Variants in ADGRB3 observed in about 807,000 individuals in gnomAD.
ADGRB3 encodes the protein brain-specific angiogenesis inhibitor 3.
A neutral mutation model predicts 193.4 loss-of-function variants in ADGRB3; 37 were observed. That is an observed-to-expected ratio of 0.19 (90% CI 0.15 to 0.25). The LOEUF is 0.25. ADGRB3 is among the 10% of genes least tolerant of loss of function. The pLI is 1.00. For synonymous variants in ADGRB3, 690 were observed against 644.2 expected, an observed-to-expected ratio of 1.07 and a Z score of -1.08; for missense variants, 1,637 against 1,852.9, an observed-to-expected ratio of 0.88 and a Z score of 2.14.
chr6:68,840,958 A>G (rs1191029084), intron 3 of ADGRB3, among the ~76,000 whole-genome samples: 2 of 152,182 alleles, frequency 1.3e-5, no homozygotes, highest in Admixed American at 6.5e-5. Flanking sequence ...CTATACTTAC[A>G]TCAGAAAAAG....
At chr6:69,062,752 GT>G (rs1771785542) in intron 15 of ADGRB3, among the ~76,000 whole-genome samples, 181 bp from the exon 16 acceptor site, 1 of 151,822 alleles carries the variant, frequency 6.6e-6, no homozygotes, top group African/African-American at 2.4e-5. Context: ...TTCTCCCTAA[GT>G]TTTCTGTTCC....
chr6:69,230,298 C>T (rs1490812050), intron 17 of ADGRB3, among the ~76,000 whole-genome samples: 1 of 151,996 alleles, frequency 6.6e-6, no homozygotes, highest in Non-Finnish European at 1.5e-5. Flanking sequence ...AACTAGACGC[C>T]ATAATTAAGA....
intron 3 of ADGRB3, among the ~76,000 whole-genome samples, chr6:68,919,541 A>AT: frequency 6.6e-6 from 1 of 152,198 alleles, no homozygotes; most frequent in Non-Finnish European, 1.5e-5. Flanking sequence ...GGGGAAGAGA[A>AT]TGTTGAGGCA....
chr6:69,008,491 CT>C (rs1769839285), intron 11 of ADGRB3, among the ~76,000 whole-genome samples: 1 of 152,022 alleles, frequency 6.6e-6, no homozygotes, highest in South Asian at 2.1e-4. Context: ...TTTCTTCATT[CT>C]TTTTTCTTGC....
chr6:69,003,527 G>T (rs558336535), intron 11 of ADGRB3, among the ~76,000 whole-genome samples: 1 of 152,066 alleles, frequency 6.6e-6, no homozygotes, highest in South Asian at 2.1e-4. Context: ...AATAAGCCAG[G>T]TACAGGACAG....
At chr6:68,873,710 A>G (rs1765519389) in intron 3 of ADGRB3, among the ~76,000 whole-genome samples, 2 of 152,150 alleles carry the variant, frequency 1.3e-5, no homozygotes, top group East Asian at 3.8e-4. Context: ...TATCATTACA[A>G]GATGATCTAA....
At chr6:68,640,674 A>G (rs910256389) in intron 3 of ADGRB3, among the ~76,000 whole-genome samples, 2 of 152,238 alleles carry the variant, frequency 1.3e-5, no homozygotes, top group African/African-American at 4.8e-5. Flanking sequence ...TGTGGCCAAT[A>G]TAAAATTGAC....
At chr6:69,029,541 G>C (rs958813154) in intron 13 of ADGRB3, among the ~76,000 whole-genome samples, 2 of 152,136 alleles carry the variant, frequency 1.3e-5, no homozygotes, top group Non-Finnish European at 2.9e-5. Flanking sequence ...GGTTGCAAAC[G>C]TATGATATAT....
At chr6:69,159,592 T>C (rs1774932319) in intron 17 of ADGRB3, among the ~76,000 whole-genome samples, 1 of 152,130 alleles carries the variant, frequency 6.6e-6, no homozygotes, top group African/African-American at 2.4e-5. Context: ...AAATATTTAA[T>C]AAATGTTTAA....
At chr6:69,151,236 G>A (rs1774671757) in intron 17 of ADGRB3, among the ~76,000 whole-genome samples, 1 of 152,146 alleles carries the variant, frequency 6.6e-6, no homozygotes, top group Non-Finnish European at 1.5e-5. Context: ...TAGAACTCTA[G>A]AGCCCTTTAT....
At chr6:68,947,030 G>T (rs1767791901) in intron 6 of ADGRB3, among the ~76,000 whole-genome samples, 1 of 152,046 alleles carries the variant, frequency 6.6e-6, no homozygotes, top group Non-Finnish European at 1.5e-5. Context: ...GAAGGAAAAT[G>T]AAGGTATAGT....
chr6:68,814,746 T>C (rs1237513938), intron 3 of ADGRB3, among the ~76,000 whole-genome samples: 2 of 146,700 alleles, frequency 1.4e-5, no homozygotes, highest in East Asian at 3.9e-4. Context: ...AATAAAATAC[T>C]GGCAAACCGA....
intron 3 of ADGRB3, among the ~76,000 whole-genome samples, chr6:68,832,074 C>G (rs906328768): frequency 1.3e-5 from 2 of 152,000 alleles, no homozygotes; most frequent in African/African-American, 2.4e-5. Flanking sequence ...ATTTTAATTA[C>G]TTGTACATAT....
At chr6:68,929,426 CT>C (rs1379078878) in intron 3 of ADGRB3, among the ~76,000 whole-genome samples, 1 of 152,058 alleles carries the variant, frequency 6.6e-6, no homozygotes, top group African/African-American at 2.4e-5. Context: ...GTGTGCTAGT[CT>C]TTTCTCCTTC....
At chr6:69,005,288 A>G (rs760248476) in intron 11 of ADGRB3, among the ~76,000 whole-genome samples, 1 of 151,480 alleles carries the variant, frequency 6.6e-6, no homozygotes, top group Non-Finnish European at 1.5e-5. Context: ...CATCCCATCT[A>G]GTATACCTCA....
At chr6:68,876,959 A>G (rs1765611491) in intron 3 of ADGRB3, among the ~76,000 whole-genome samples, 1 of 152,136 alleles carries the variant, frequency 6.6e-6, no homozygotes, top group Non-Finnish European at 1.5e-5. Context: ...TCAAGTGGCT[A>G]TATGTTAATT....
chr6:69,151,452 A>G (rs1291402802), intron 17 of ADGRB3, among the ~76,000 whole-genome samples: 1 of 152,138 alleles, frequency 6.6e-6, no homozygotes, highest in African/African-American at 2.4e-5. Context: ...TCTGAACCAC[A>G]TGGTTGCTGC....
intron 15 of ADGRB3, 44 bp downstream of exon 15, chr6:69,049,390 C>A: frequency 1.4e-6 from 2 of 1,387,980 alleles, no homozygotes; most frequent in South Asian, 1.3e-5. Context: ...GTAAATTATT[C>A]CAAAATGTGA....
chr6:68,983,103 A>C (rs1218389652), intron 10 of ADGRB3, among the ~76,000 whole-genome samples: 1 of 152,102 alleles, frequency 6.6e-6, no homozygotes, highest in African/African-American at 2.4e-5. Flanking sequence ...CAAACCAGTA[A>C]ATTTAAATTG....
Sources: allele counts gnomAD v4.1 joint callset (sites outside exome capture counted in the v4.1 genomes callset), GRCh38; gene constraint gnomAD v4.1.1; transcripts MANE v1.5; gene names NCBI Gene and HGNC (gene_info 2026-07-23, HGNC 2026-07-21).